PLD3: variants seen among roughly 807,000 people sequenced by gnomAD.
PLD3 encodes phospholipase D family member 3.
In PLD3, 31 loss-of-function variants were observed where a neutral mutation model predicts 58.4. The ratio of observed to expected loss-of-function variants is 0.53; its 90% CI spans 0.40 to 0.72. The LOEUF is 0.72. PLD3 is among the 30% of genes least tolerant of loss of function. The probability of loss-of-function intolerance (pLI) is 0.00; values close to 1 mark genes in which losing one functional copy is unlikely to be tolerated. For missense variants in PLD3, 595 were observed against 659.8 expected (o/e 0.90, Z 1.08); for synonymous variants, 264 against 273.4 (o/e 0.97, Z 0.34).
At chr19:40,365,375 A>T (rs922778769) in intron 1 of PLD3, among the ~76,000 whole-genome samples, 4 of 152,084 alleles carry the variant, frequency 2.6e-5, no homozygotes, top group African/African-American at 9.7e-5. Context: ...CCAAAATCTA[A>T]ATAGACTCCA....
chr19:40,368,744 C>T (rs1295629867), intron 6 of PLD3, among the ~76,000 whole-genome samples: 1 of 151,824 alleles, frequency 6.6e-6, no homozygotes, highest in Admixed American at 6.6e-5. Context: ...CCCCACCTCC[C>T]CTCAACCATC....
intron 5 of PLD3, 120 bp downstream of exon 5, chr19:40,367,035 G>A: frequency 8.4e-7 from 1 of 1,194,602 alleles, no homozygotes; most frequent in Non-Finnish European, 1.2e-6. Context: ...TGAGGAGGTT[G>A]CAGGCTCCCA....
At chr19:40,361,144 C>T (rs2078772215) in intron 1 of PLD3, among the ~76,000 whole-genome samples, 1 of 151,860 alleles carries the variant, frequency 6.6e-6, no homozygotes, top group Non-Finnish European at 1.5e-5. Flanking sequence ...GAGTTTCGTT[C>T]TTGTTACTCA....
chr19:40,372,573 C>G (rs2079091682), intron 9 of PLD3, among the ~76,000 whole-genome samples: 1 of 151,622 alleles, frequency 6.6e-6, no homozygotes, highest in Admixed American at 6.6e-5. Context: ...ATGGGAGGAT[C>G]ACTTGAGGCC....
intron 1 of PLD3, among the ~76,000 whole-genome samples, chr19:40,364,820 T>C (rs1208552464): frequency 7.1e-6 from 1 of 141,610 alleles, no homozygotes. Flanking sequence ...AAAAAGCAGC[T>C]GGGCATGGTG....
Position 40,370,212 on chromosome 19 carries a change from A to G in PLD3, c.653A>G (p.Asn218Ser), listed in dbSNP as rs141754867. The G allele has an allele frequency of 9.3e-6, 15 of 1,613,810 alleles. No individual in the cohort carries two copies. The highest frequency in any genetic ancestry group is 2.7e-5 in the African/African-American group (2 of 74,900). The part of the protein sequence containing the change: ...DQTHFYLGSA[N>S]MDWRSLTQVK... ...ACCCACTTCTACCTGGGCAGTGCCA[A>G]CATGGACTGGCGTTCACTGACCCAG... The change falls in exon 8 of 13, where the codon AAC (asparagine) becomes AGC (serine). Residue 218 changes from asparagine to serine, a missense_variant. Physicochemically the swap from Asn to Ser is conservative, Grantham distance 46. Coordinates refer to ENST00000409735, the MANE Select transcript of PLD3 (RefSeq NM_012268.4).
chr19:40,374,631 G>A lies in PLD3; in HGVS notation c.1019+11G>A, dbSNP rs761579602. On this transcript the variant is annotated intron_variant, in intron 10 of 12. Transcript: ENST00000409735. ...CTCCCACCCTCACAGGTACTGCTGG[G>A]TGTGGAGATAGGGAGCCGCTGCAGT... The A allele has an allele frequency of 6.2e-7, 1 of 1,613,938 alleles. No homozygotes were observed. The highest frequency in any genetic ancestry group is 1.1e-5 in the South Asian group (1 of 91,086).
chr19:40,366,371 C>T (rs2078922293), intron 2 of PLD3, 48 bp from the exon 3 acceptor site: 1 of 898,032 alleles, frequency 1.1e-6, no homozygotes, highest in East Asian at 2.4e-5. Context: ...ATGTCTGTCC[C>T]TGGAAAGCGT....
Position 40,351,700 on chromosome 19 carries a change from C to T in PLD3, c.-279+2932C>T, listed in dbSNP as rs73557777. On this transcript the variant is annotated intron_variant, in intron 1 of 12. Coordinates refer to ENST00000409735, the MANE Select transcript of PLD3 (RefSeq NM_012268.4). ...AGTGAGAGAGGAGAGGGGCAAGAGA[C>T]GACATTGGAGGGGTGATGGGGCACA... Among the ~76,000 whole-genome samples, 1,293 of 152,178 alleles carry T rather than the reference C, an allele frequency of 8.5e-3. 21 individuals carry two copies. The highest frequency in any genetic ancestry group is 0.029 in the African/African-American group (1,203 of 41,516).
In PLD3 at chr19:40,348,712, T is replaced by G; in HGVS notation, c.-335T>G. 1 of 583,048 alleles carries G rather than the reference T, an allele frequency of 1.7e-6. No individual in the cohort carries two copies. Among genetic ancestry groups the G allele is most frequent in the Non-Finnish European group, 2.7e-6 (1 of 366,428 alleles). The allele number at this position is 583,048 out of a possible 1,614,324, so 36.1% of individuals were successfully genotyped here. A position where few individuals can be genotyped will look rare whatever the true frequency, so the allele number is the denominator to read the frequency against. ...GCTAGGAGGGGCCGTCAGGCGGGGA[T>G]ACAGCCTGGAAGGTGCGTGTGGGGC... On this transcript the variant is annotated 5_prime_UTR_variant, in exon 1 of 13. Transcript: ENST00000409735.
chr19:40,369,103 C>A (rs2079001484), intron 6 of PLD3, among the ~76,000 whole-genome samples: 1 of 151,980 alleles, frequency 6.6e-6, no homozygotes, highest in African/African-American at 2.4e-5. Flanking sequence ...CTAGCCTGGG[C>A]AACATAGTGA....
intron 9 of PLD3, 123 bp downstream of exon 9, chr19:40,371,996 T>C: frequency 1.3e-6 from 1 of 766,222 alleles, no homozygotes; most frequent in Non-Finnish European, 2.2e-6. Flanking sequence ...TCACCCCAGC[T>C]CATTCTGCTT....
At chr19:40,373,243 C>T (rs756381966) in intron 9 of PLD3, among the ~76,000 whole-genome samples, 6 of 152,314 alleles carry the variant, frequency 3.9e-5, no homozygotes, top group Non-Finnish European at 7.3e-5. Flanking sequence ...ATTACCACTT[C>T]CCCTTTTAGA....
At chr19:40,351,223 C>A (rs1277744260) in intron 1 of PLD3, among the ~76,000 whole-genome samples, 3 of 143,826 alleles carry the variant, frequency 2.1e-5, no homozygotes, top group African/African-American at 7.5e-5. Context: ...AGACGGAGAC[C>A]CTGTCTCAAA....
intron 1 of PLD3, among the ~76,000 whole-genome samples, chr19:40,353,746 T>C (rs2078578494): frequency 6.6e-6 from 1 of 151,110 alleles, no homozygotes; most frequent in South Asian, 2.1e-4. Context: ...GCCTGGCTAA[T>C]TTTTTGTATT....
chr19:40,355,475 G>A (rs2078632660), intron 1 of PLD3, among the ~76,000 whole-genome samples: 1 of 151,470 alleles, frequency 6.6e-6, no homozygotes, highest in African/African-American at 2.4e-5. Flanking sequence ...ACCAGGGCCT[G>A]GCTGATTTTG....
At chr19:40,368,585 A>G (rs1373809631) in intron 6 of PLD3, among the ~76,000 whole-genome samples, 1 of 152,114 alleles carries the variant, frequency 6.6e-6, no homozygotes, top group Non-Finnish European at 1.5e-5. Context: ...CTAAAATTAC[A>G]AGGCTCCTTA....
At position 40,366,927 on chromosome 19, in the gene PLD3, G is replaced by T. The variant is rs201029370; in HGVS notation, c.245+12G>T. ...TATGACCCTTGCGAGTAAGTGGGGG[G>T]TGCTGCAGTTGGTGGGGGAGGGGCC... is the stretch of plus-strand genomic sequence containing the variant. On this transcript the variant is annotated intron_variant, in intron 5 of 12. Coordinates refer to ENST00000409735, the MANE Select transcript of PLD3 (RefSeq NM_012268.4). 1.3e-5 allele frequency: 20 copies of T among 1,588,342 alleles called. No individual in the cohort carries two copies. In the African/African-American group the frequency reaches 2.4e-4, roughly 19 times the overall value.
intron 1 of PLD3, among the ~76,000 whole-genome samples, chr19:40,352,763 TAGC>T (rs1373819370): frequency 8.6e-5 from 13 of 151,736 alleles, no homozygotes. Flanking sequence ...AGCAGTTCAA[TAGC>T]AGCCTGGGCA....
Sources: allele counts gnomAD v4.1 joint callset (sites outside exome capture counted in the v4.1 genomes callset), GRCh38; gene constraint gnomAD v4.1.1; transcripts MANE v1.5; gene names NCBI Gene and HGNC (gene_info 2026-07-23, HGNC 2026-07-21).